BCL2: variants seen among roughly 807,000 people sequenced by gnomAD.
BCL2 encodes apoptosis regulator Bcl-2.
Under a neutral mutation model 14.2 loss-of-function variants are expected in BCL2, and 1 was observed. The ratio of observed to expected loss-of-function variants is 0.07; its 90% CI spans 0.02 to 0.33. BCL2 has a LOEUF of 0.33. BCL2 is among the 10% of genes least tolerant of loss of function. The pLI is 0.99. For synonymous variants in BCL2, 151 were observed against 137.2 expected, an observed-to-expected ratio of 1.10 and a Z score of -0.70; for missense variants, 247 against 305.9, an observed-to-expected ratio of 0.81 and a Z score of 1.44.
chr18:63,172,631 A>T (rs944706547), intron 2 of BCL2, among the ~76,000 whole-genome samples: 3 of 152,144 alleles, frequency 2.0e-5, no homozygotes, highest in Admixed American at 2.0e-4. Context: ...AATATAAAAA[A>T]TTAGCCAGGT....
intron 2 of BCL2, among the ~76,000 whole-genome samples, chr18:63,234,705 G>A (rs1012515481): frequency 4.8e-4 from 73 of 152,302 alleles, no homozygotes; most frequent in African/African-American, 1.7e-3. Flanking sequence ...TCTGGAATTC[G>A]ATCTGGACTT....
chr18:63,258,274 A>C (rs1911543047), intron 2 of BCL2, among the ~76,000 whole-genome samples: 1 of 152,230 alleles, frequency 6.6e-6, no homozygotes, highest in Non-Finnish European at 1.5e-5. Context: ...CTATTGTTTT[A>C]AGCCACCCAG....
At chr18:63,193,025 C>T (rs1909329553) in intron 2 of BCL2, among the ~76,000 whole-genome samples, 1 of 152,204 alleles carries the variant, frequency 6.6e-6, no homozygotes, top group Non-Finnish European at 1.5e-5. Flanking sequence ...TCACACTCAA[C>T]CATTAAAGAC....
At chr18:63,153,078 C>T (rs991860786) in intron 2 of BCL2, among the ~76,000 whole-genome samples, 2 of 152,176 alleles carry the variant, frequency 1.3e-5, no homozygotes, top group African/African-American at 4.8e-5. Flanking sequence ...GAGGAAAGAG[C>T]ACACACATTA....
chr18:63,207,127 G>T (rs1011021870), intron 2 of BCL2, among the ~76,000 whole-genome samples: 21 of 152,204 alleles, frequency 1.4e-4, no homozygotes, highest in Non-Finnish European at 2.8e-4. Context: ...TGACAGAAAA[G>T]CCTTTCCAAA....
intron 2 of BCL2, among the ~76,000 whole-genome samples, chr18:63,241,134 G>A (rs145180982): frequency 4.6e-5 from 7 of 152,352 alleles, no homozygotes; most frequent in African/African-American, 1.2e-4. Context: ...ACAAAAGCAC[G>A]TGGTGAGCAA....
chr18:63,212,318 ACT>A (rs1910047399), intron 2 of BCL2, among the ~76,000 whole-genome samples: 1 of 151,512 alleles, frequency 6.6e-6, no homozygotes, highest in Non-Finnish European at 1.5e-5. Context: ...ACAGAGCGAG[ACT>A]CTGTCTCAAA....
chr18:63,259,388 T>C (rs1005098495), intron 2 of BCL2, among the ~76,000 whole-genome samples: 13 of 152,130 alleles, frequency 8.5e-5, no homozygotes, highest in African/African-American at 3.1e-4. Context: ...GGTCTATTTG[T>C]ACCCGGCTCC....
At chr18:63,152,366 C>T (rs954677739) in intron 2 of BCL2, among the ~76,000 whole-genome samples, 1 of 152,176 alleles carries the variant, frequency 6.6e-6, no homozygotes, top group African/African-American at 2.4e-5. Flanking sequence ...GGCAACACCT[C>T]GTTTGCCCAA....
At chr18:63,145,541 T>G (rs1914489632) in intron 2 of BCL2, among the ~76,000 whole-genome samples, 1 of 152,246 alleles carries the variant, frequency 6.6e-6, no homozygotes, top group Non-Finnish European at 1.5e-5. Flanking sequence ...TCTTCATAAT[T>G]TAACAAAGGC....
chr18:63,215,584 C>T (rs1255766240), intron 2 of BCL2, among the ~76,000 whole-genome samples: 1 of 152,122 alleles, frequency 6.6e-6, no homozygotes, highest in Non-Finnish European at 1.5e-5. Flanking sequence ...TATGGAAGGA[C>T]ACAGACAAGG....
rs572317720 is a variant in BCL2 at position 63,309,982 on chromosome 18, C to T, written c.585+8100G>A. On this transcript the variant is annotated intron_variant, in intron 2 of 2. Coordinates refer to ENST00000333681, the MANE Select transcript of BCL2 (RefSeq NM_000633.3). ...GGTTCAAGCAATTCTCCTGCCTCAG[C>T]CTCCCGAGTAGCTGGGATTACAGGC... Among the ~76,000 whole-genome samples, 9 of 152,262 alleles carry T rather than the reference C, an allele frequency of 5.9e-5. No individual in the cohort carries two copies. In the South Asian group the frequency reaches 1.9e-3, roughly 32 times the overall value.
At chr18:63,206,693 G>T (rs2095542421) in intron 2 of BCL2, among the ~76,000 whole-genome samples, 1 of 152,182 alleles carries the variant, frequency 6.6e-6, no homozygotes, top group Non-Finnish European at 1.5e-5. Context: ...AGATATAAAA[G>T]GTGGAGACAT....
intron 2 of BCL2, among the ~76,000 whole-genome samples, chr18:63,200,300 T>C (rs1031160106): frequency 2.6e-5 from 4 of 152,230 alleles, no homozygotes; most frequent in African/African-American, 9.6e-5. Context: ...TTTTTCTTTA[T>C]GACACAGGAA....
chr18:63,261,595 C>A (rs1911660575), intron 2 of BCL2, among the ~76,000 whole-genome samples: 1 of 152,070 alleles, frequency 6.6e-6, no homozygotes. Flanking sequence ...CTTTGAAACT[C>A]ACATAGAAAT....
intron 2 of BCL2, among the ~76,000 whole-genome samples, chr18:63,306,252 T>A (rs1368672133): frequency 6.6e-6 from 1 of 152,234 alleles, no homozygotes; most frequent in Non-Finnish European, 1.5e-5. Flanking sequence ...CTCTCCACTC[T>A]AGTCCTAATC....
intron 2 of BCL2, among the ~76,000 whole-genome samples, chr18:63,271,610 A>C (rs1370836433): frequency 1.3e-5 from 2 of 152,194 alleles, no homozygotes; most frequent in African/African-American, 4.8e-5. Context: ...CAAGGCCAAT[A>C]CTATTCCAAT....
At chr18:63,138,032 T>G (rs1373749058) in intron 2 of BCL2, among the ~76,000 whole-genome samples, 1 of 152,012 alleles carries the variant, frequency 6.6e-6, no homozygotes, top group South Asian at 2.1e-4. Flanking sequence ...CCACACAGAA[T>G]CTATGACATG....
At position 63,232,946 on chromosome 18, in the gene BCL2, A is replaced by G. The variant is rs146814927; in HGVS notation, c.585+85136T>C. On this transcript the variant is annotated intron_variant, in intron 2 of 2. Coordinates refer to ENST00000333681, the MANE Select transcript of BCL2 (RefSeq NM_000633.3). ...GTCTTTTCAGGTTGCTATAACACAA[A>G]TACCATAGACTGGGTGACTTATGTA... Among the ~76,000 whole-genome samples the G allele has an allele frequency of 3.2e-4, 48 of 152,356 alleles. No individual in the cohort carries two copies. In the East Asian group the frequency reaches 6.7e-3, roughly 21 times the overall value.
Sources: gnomAD v4.1 joint callset for allele counts (sites outside exome capture counted in the v4.1 genomes callset) on GRCh38, gnomAD v4.1.1 for gene constraint, MANE v1.5 for transcripts, NCBI Gene and HGNC (gene_info 2026-07-23, HGNC 2026-07-21) for gene names.